PSMG1: variants seen among roughly 807,000 people sequenced by gnomAD.
PSMG1 encodes the protein Down syndrome critical region gene 2.
PSMG1 carries 23 observed loss-of-function variants against 37.2 expected under a neutral mutation model. The observed-to-expected ratio is 0.62, with a 90% confidence interval of 0.44 to 0.88. The LOEUF is 0.88. PSMG1 is among the 40% of genes least tolerant of loss of function. The pLI, the probability that PSMG1 is intolerant of heterozygous loss-of-function variation, is 0.00. For synonymous variants in PSMG1, 127 were observed against 128.0 expected, an observed-to-expected ratio of 0.99 and a Z score of 0.05; for missense variants, 340 against 344.2, an observed-to-expected ratio of 0.99 and a Z score of 0.10.
At position 39,175,485 on chromosome 21, in the gene PSMG1, C is replaced by A; in HGVS notation, c.*105G>T. On this transcript the variant is annotated 3_prime_UTR_variant, in exon 7 of 7. Coordinates refer to ENST00000331573, the MANE Select transcript of PSMG1 (RefSeq NM_003720.4). ...AATTTTTTACAATTTTATTCCGTTT[C>A]ATCATTCTCAAAATATATCCCCCAA... is the stretch of plus-strand genomic sequence containing the variant. 7.2e-7 allele frequency: 1 copy of A among 1,389,182 alleles called. No homozygotes were observed. The highest frequency in any genetic ancestry group is 9.4e-7 in the Non-Finnish European group (1 of 1,065,178). The allele number at this position is 1,389,182 out of a possible 1,614,324, so 86.1% of individuals were successfully genotyped here. A position where few individuals can be genotyped will look rare whatever the true frequency, so the allele number is the denominator to read the frequency against.
At chr21:39,180,566 C>A in intron 2 of PSMG1, 130 bp from the exon 3 acceptor site, 1 of 877,048 alleles carries the variant, frequency 1.1e-6, no homozygotes, top group Non-Finnish European at 1.6e-6. Flanking sequence ...CTACCTAATA[C>A]CACCATTATA....
rs191268486 is a variant in PSMG1, at chr21:39,179,874, A to G, written c.456+50T>C. 2.8e-4 allele frequency: 417 copies of G among 1,514,846 alleles called. 1 individual carries two copies. The highest frequency in any genetic ancestry group is 6.8e-4 in the Admixed American group (36 of 52,716). The allele number at this position is 1,514,846 out of a possible 1,614,324, so 93.8% of individuals were successfully genotyped here. A position where few individuals can be genotyped will look rare whatever the true frequency, so the allele number is the denominator to read the frequency against. ...TTAAAAGACATCGAACCCTTAAAAA[A>G]TGAAAACTCCTGTAGACTAACCATT... On this transcript the variant is annotated intron_variant, in intron 4 of 6. Transcript: ENST00000331573.
At position 39,178,440 on chromosome 21, in the gene PSMG1, T is replaced by C; in HGVS notation, c.655+9A>G. The C allele has an allele frequency of 5.0e-6, 8 of 1,603,182 alleles. No individual in the cohort carries two copies. The highest frequency in any genetic ancestry group is 6.8e-6 in the Non-Finnish European group (8 of 1,170,182). On this transcript the variant is annotated intron_variant, in intron 5 of 6. Coordinates refer to ENST00000331573, the MANE Select transcript of PSMG1 (RefSeq NM_003720.4). Reference sequence around the variant, plus strand: ...GATAGAATGTAAATGTTACAAATTTTAATACCACCTGCTGCAGGAAGGTCG... The same window carrying C: ...GATAGAATGTAAATGTTACAAATTTCAATACCACCTGCTGCAGGAAGGTCG...
At chr21:39,183,163 G>A (rs2030928743) in intron 1 of PSMG1, 89 bp downstream of exon 1, 3 of 1,392,690 alleles carry the variant, frequency 2.2e-6, no homozygotes, top group Admixed American at 3.1e-5. Flanking sequence ...GGAAGACCGC[G>A]GAGCCCCGGC....
At chr21:39,176,808 G>C (rs2030641148) in intron 6 of PSMG1, among the ~76,000 whole-genome samples, 1 of 152,148 alleles carries the variant, frequency 6.6e-6, no homozygotes, top group Admixed American at 6.5e-5. Flanking sequence ...CCGGGCTGAG[G>C]GACAATGTTG....
chr21:39,183,374 C>T lies in PSMG1; in HGVS notation c.12G>A (p.Thr4=), dbSNP rs1311346473. 8.3e-6 allele frequency: 13 copies of T among 1,575,002 alleles called. No homozygotes were observed. The highest frequency in any genetic ancestry group is 1.8e-5 in the Admixed American group (1 of 55,804). The part of the protein sequence containing the change: MAA[T]FFGEVVKAPC... ...GCGCCTTCACCACCTCTCCGAAGAA[C>T]GTGGCCGCCATAGCCGCCCCGTGAC... Residue 4 remains threonine (T), a synonymous_variant, in exon 1 of 7, where the codon ACG becomes ACA. Transcript: ENST00000331573.
In PSMG1 at chr21:39,177,457, CTGGTAGAAAGTATAGGCTTAA is replaced by C. The variant is rs1428101436; in HGVS notation, c.749_769del (p.Phe250_Arg257delinsTer). Reference sequence around the variant, plus strand: ...TACCTTAACCAAACCCTTCAAGCTTCTGGTAGAAAGTATAGGCTTAAAAGCTTCCACTGTGATTAGGTCTAA... The same window carrying C: ...TACCTTAACCAAACCCTTCAAGCTTCAAGCTTCCACTGTGATTAGGTCTAA... On this transcript the variant is annotated stop_gained and inframe_deletion, in exon 6 of 7. Transcript: ENST00000331573. LOFTEE classifies it high-confidence loss of function. 2.5e-6 allele frequency: 4 copies of C among 1,598,392 alleles called. No individual in the cohort carries two copies. In the African/African-American group the frequency reaches 5.4e-5, roughly 22 times the overall value.
intron 1 of PSMG1, 138 bp downstream of exon 1, chr21:39,183,114 A>G (rs1052858504): frequency 8.8e-7 from 1 of 1,132,034 alleles, no homozygotes; most frequent in Non-Finnish European, 1.2e-6. Context: ...CCAGGGCCCA[A>G]GCAGAGCCAA....
chr21:39,181,804 T>C lies in PSMG1; in HGVS notation c.209A>G (p.Lys70Arg), dbSNP rs2030836254. The C allele has an allele frequency of 6.3e-7, 1 of 1,592,982 alleles. No homozygotes were observed. Residue 70 changes from lysine (K) to arginine (R), a missense_variant, in exon 2 of 7, where the codon AAG (lysine) becomes AGG (arginine). Physicochemically the swap from Lys to Arg is conservative, Grantham distance 26. Transcript: ENST00000331573. The stretch of plus-strand genomic sequence containing the variant: ...ATTATTTCCTATAGCAATTATAAAC[T>C]TGGAGCACGGATATTTTTCTAGCAA... ...VSLLEKYPCSKFIIAIGNNAV... is the reference protein window; with the variant it reads ...VSLLEKYPCSRFIIAIGNNAV...
chr21:39,179,558 G>C (rs2030747385), intron 4 of PSMG1, among the ~76,000 whole-genome samples: 1 of 152,130 alleles, frequency 6.6e-6, no homozygotes. Context: ...GGATTTGATA[G>C]ATTTCTAAGA....
chr21:39,176,477 T>C (rs1453578637), intron 6 of PSMG1, among the ~76,000 whole-genome samples: 4 of 152,256 alleles, frequency 2.6e-5, no homozygotes, highest in East Asian at 3.9e-4. Context: ...ACGATCAGCA[T>C]ATACTTTGAA....
chr21:39,175,749 C>CCA, intron 6 of PSMG1, 85 bp from the exon 7 acceptor site: 2 of 873,770 alleles, frequency 2.3e-6, no homozygotes, highest in Non-Finnish European at 3.8e-6. Context: ...CCAACAATCT[C>CCA]CACACTCGAG....
intron 1 of PSMG1, among the ~76,000 whole-genome samples, chr21:39,182,537 G>A (rs1482003747): frequency 2.0e-5 from 3 of 152,174 alleles, no homozygotes; most frequent in African/African-American, 7.2e-5. Flanking sequence ...TGTTGTTAGG[G>A]GTGATAATAG....
chr21:39,183,251 C>G lies in PSMG1; in HGVS notation c.134+1G>C. 6.3e-7 allele frequency: 1 copy of G among 1,581,576 alleles called. No homozygotes were observed. Among genetic ancestry groups the G allele is most frequent in the Non-Finnish European group, 8.6e-7 (1 of 1,168,024 alleles). ...GCGCTGCCCTTATCCCGGTGCCTCA[C>G]CTCTTCCGCGCCAGCTGCAGACGCA... On this transcript the variant is annotated splice_donor_variant, in intron 1 of 6. Coordinates refer to ENST00000331573, the MANE Select transcript of PSMG1 (RefSeq NM_003720.4). LOFTEE classifies it high-confidence loss of function.
chr21:39,180,912 G>C (rs887546671), intron 2 of PSMG1, among the ~76,000 whole-genome samples: 1 of 151,998 alleles, frequency 6.6e-6, no homozygotes, highest in Non-Finnish European at 1.5e-5. Context: ...CATTGTCCTA[G>C]CTGCACTCTA....
intron 6 of PSMG1, 104 bp from the exon 7 acceptor site, chr21:39,175,768 A>G (rs569415944): frequency 2.6e-6 from 2 of 773,020 alleles, no homozygotes; most frequent in Admixed American, 4.0e-5. Context: ...AGACTTAAAA[A>G]CAGCCATGGG....
At chr21:39,182,493 G>T (rs1472547873) in intron 1 of PSMG1, among the ~76,000 whole-genome samples, 2 of 152,180 alleles carry the variant, frequency 1.3e-5, no homozygotes, top group Admixed American at 1.3e-4. Context: ...GAGTGAGCAT[G>T]GACTACAAAA....
At position 39,174,883 on chromosome 21, in the gene PSMG1, G is replaced by T. The variant is rs771983081; in HGVS notation, c.*707C>A. 2 of 152,100 alleles carry T rather than the reference G, an allele frequency of 1.3e-5. No homozygotes were observed. The highest frequency in any genetic ancestry group is 2.9e-5 in the Non-Finnish European group (2 of 68,026). 9.4% of individuals were successfully genotyped at this position (152,100 alleles called of 1,614,324 possible). On this transcript the variant is annotated 3_prime_UTR_variant, in exon 7 of 7. Coordinates refer to ENST00000331573, the MANE Select transcript of PSMG1 (RefSeq NM_003720.4). ...GAGCCAGCCTTGAAAGAGAGCCCTG[G>T]GAAAGTCTGGGTGAAGAGGCTATCT...
At position 39,178,534 on chromosome 21, in the gene PSMG1, T is replaced by C. The variant is rs1166741869; in HGVS notation, c.570A>G (p.Arg190=). The part of the protein sequence containing the change: ...STGSLPSPFL[R]ALKTQNFKDS... ...CTTTGAAATTCTGTGTTTTTAGGGC[T>C]CTCAGGAAAGGAGAAGGAAGGCTGC... Residue 190 remains arginine (R), a synonymous_variant, in exon 5 of 7, where the codon AGA becomes AGG. Transcript: ENST00000331573. 6.2e-7 allele frequency: 1 copy of C among 1,614,144 alleles called. No individual in the cohort carries two copies. The highest frequency in any genetic ancestry group is 1.3e-5 in the African/African-American group (1 of 75,030).
Sources: allele counts gnomAD v4.1 joint callset (sites outside exome capture counted in the v4.1 genomes callset), GRCh38; gene constraint gnomAD v4.1.1; transcripts MANE v1.5; gene names NCBI Gene and HGNC (gene_info 2026-07-23, HGNC 2026-07-21).